Variants in MARK3 observed in about 807,000 individuals in gnomAD.
The protein encoded by MARK3 is microtubule affinity regulating kinase 3, also known as MAP/microtubule affinity-regulating kinase 3.
MARK3 carries 46 observed loss-of-function variants against 90.1 expected under a neutral mutation model. The observed-to-expected ratio is 0.51, with a 90% CI of 0.40 to 0.65. The LOEUF is 0.65. Ranked by LOEUF, MARK3 falls within the 30% of genes least tolerant of loss-of-function variation. The pLI is 0.00. For missense variants in MARK3, 818 were observed against 947.2 expected (o/e 0.86, Z 1.79); for synonymous variants, 321 against 332.6 (o/e 0.97, Z 0.38).
At chr14:103,439,878 G>C (rs2092808527) in intron 3 of MARK3, among the ~76,000 whole-genome samples, 1 of 151,756 alleles carries the variant, frequency 6.6e-6, no homozygotes, top group Non-Finnish European at 1.5e-5. Context: ...TCTGCCTCCT[G>C]GATTCAAGTG....
intron 12 of MARK3, among the ~76,000 whole-genome samples, chr14:103,474,622 C>T (rs1046418366): frequency 6.6e-6 from 1 of 152,022 alleles, no homozygotes; most frequent in Admixed American, 6.6e-5. Flanking sequence ...GGCATCTCTC[C>T]TACAAAAGAG....
intron 2 of MARK3, among the ~76,000 whole-genome samples, chr14:103,420,682 A>T (rs1566811115): frequency 6.6e-6 from 1 of 152,116 alleles, no homozygotes; most frequent in African/African-American, 2.4e-5. Flanking sequence ...GTTAATACTC[A>T]TTTTTTTGTG....
At chr14:103,458,682 T>G (rs2093333271) in intron 6 of MARK3, 1 of 660,462 alleles carries the variant, frequency 1.5e-6, no homozygotes, top group East Asian at 2.7e-5. Context: ...AATTATAGCC[T>G]CATTTTTTCT....
intron 3 of MARK3, among the ~76,000 whole-genome samples, chr14:103,433,088 C>CTTTTT (rs371171878): frequency 5.2e-5 from 6 of 116,018 alleles, no homozygotes; most frequent in South Asian, 2.7e-4. Context: ...CTTTTCTTTT[C>CTTTTT]TTTTCTTTTT....
chr14:103,495,478 CAA>C (rs11462384), intron 15 of MARK3, among the ~76,000 whole-genome samples: 1 of 142,794 alleles, frequency 7.0e-6, no homozygotes. Context: ...CACTCCATCT[CAA>C]AAAAAAAAAA....
At chr14:103,423,656 G>A (rs768381401) in intron 2 of MARK3, among the ~76,000 whole-genome samples, 6 of 152,186 alleles carry the variant, frequency 3.9e-5, no homozygotes, top group Non-Finnish European at 7.3e-5. Context: ...CCAGGCTCCA[G>A]CTCTGGGCCA....
intron 13 of MARK3, among the ~76,000 whole-genome samples, chr14:103,476,302 G>A (rs1334352601): frequency 6.6e-6 from 1 of 152,192 alleles, no homozygotes; most frequent in Admixed American, 6.5e-5. Flanking sequence ...CAAAGATGTG[G>A]TGTTCACACT....
chr14:103,434,748 A>G (rs8018400), intron 3 of MARK3, among the ~76,000 whole-genome samples: 51,901 of 152,096 alleles, frequency 0.34, 9,352 homozygotes, highest in East Asian at 0.49. Flanking sequence ...AAAGAAAACT[A>G]GAAGAATTCA....
At chr14:103,395,077 G>A (rs1168822116) in intron 1 of MARK3, among the ~76,000 whole-genome samples, 1 of 152,168 alleles carries the variant, frequency 6.6e-6, no homozygotes. Context: ...ACAGCGCCTG[G>A]CCACAATCTT....
chr14:103,483,837 T>A (rs1347932368), intron 14 of MARK3, among the ~76,000 whole-genome samples: 1 of 152,248 alleles, frequency 6.6e-6, no homozygotes, highest in Non-Finnish European at 1.5e-5. Flanking sequence ...ACACCTTCAA[T>A]TGTATGATTC....
chr14:103,452,530 G>T (rs1202652849), intron 5 of MARK3, among the ~76,000 whole-genome samples: 1 of 134,556 alleles, frequency 7.4e-6, no homozygotes, highest in East Asian at 2.2e-4. Context: ...GGAGTGCAGT[G>T]GCGCGATCTC....
At chr14:103,393,497 A>C (rs1291320082) in intron 1 of MARK3, among the ~76,000 whole-genome samples, 1 of 152,208 alleles carries the variant, frequency 6.6e-6, no homozygotes, top group African/African-American at 2.4e-5. Context: ...ATTCATGAAA[A>C]TATTTAGTCA....
intron 2 of MARK3, among the ~76,000 whole-genome samples, chr14:103,410,187 C>A (rs866367668): frequency 1.3e-5 from 2 of 152,048 alleles, no homozygotes; most frequent in Non-Finnish European, 1.5e-5. Flanking sequence ...TTATTTCTTA[C>A]AATTGTGGAG....
rs146045592 is a variant in MARK3 at position 103,484,560 on chromosome 14, C to G, written c.1586+4070C>G. The stretch of plus-strand genomic sequence containing the variant: ...GGCTTATTATTTTATCCACTTTACC[C>G]TGCATCAAGTCACATAGAGATTGAG... On this transcript the variant is annotated intron_variant, in intron 14 of 17. Transcript: ENST00000429436. Among the ~76,000 whole-genome samples, 17 of 152,312 alleles carry G rather than the reference C, an allele frequency of 1.1e-4. No homozygotes were observed. The East Asian group carries it at 3.1e-3, about 28-fold the overall frequency.
At chr14:103,457,080 T>G (rs2093293318) in intron 5 of MARK3, 62 bp from the exon 6 acceptor site, 2 of 1,013,498 alleles carry the variant, frequency 2.0e-6, no homozygotes, top group Non-Finnish European at 3.0e-6. Flanking sequence ...AAACATCAAT[T>G]TATGGGAAAA....
Position 103,433,076 on chromosome 14 carries a change from T to C in MARK3, c.297+4636T>C, listed in dbSNP as rs1354568286. 6.1e-5 allele frequency among the ~76,000 whole-genome samples: 3 copies of C among 49,358 alleles called. No homozygotes were observed. In the South Asian group the frequency reaches 7.6e-3, roughly 125 times the overall value. The allele number at this position is 49,358 out of a possible 152,430, so 32.4% of individuals were successfully genotyped here. ...ATTGTGCCAATTGAAGTTTTTTCTT[T>C]TCTTTTCTTTTCTTTTCTTTTTTTT... On this transcript the variant is annotated intron_variant, in intron 3 of 17. Coordinates refer to ENST00000429436, the MANE Select transcript of MARK3 (RefSeq NM_001128918.3).
At chr14:103,412,644 T>TGATCTGCAA (rs140885130) in intron 2 of MARK3, 167,949 of 1,031,140 alleles carry the variant, frequency 0.16, 30,350 homozygotes, top group South Asian at 0.42. Flanking sequence ...GGGTCATAGT[T>TGATCTGCAA]CTTCAAGCTG....
intron 2 of MARK3, among the ~76,000 whole-genome samples, chr14:103,408,102 AG>A (rs2140755140): frequency 6.6e-6 from 1 of 152,306 alleles, no homozygotes; most frequent in East Asian, 1.9e-4. Flanking sequence ...CTGTAGGGGA[AG>A]ATGACAGAAC....
At chr14:103,432,943 A>G (rs1566833327) in intron 3 of MARK3, among the ~76,000 whole-genome samples, 1 of 152,180 alleles carries the variant, frequency 6.6e-6, no homozygotes, top group Non-Finnish European at 1.5e-5. Flanking sequence ...AAACAGAACA[A>G]TAGACCACAA....
Sources: allele counts gnomAD v4.1 joint callset (sites outside exome capture counted in the v4.1 genomes callset), GRCh38; gene constraint gnomAD v4.1.1; transcripts MANE v1.5; gene names NCBI Gene and HGNC (gene_info 2026-07-23, HGNC 2026-07-21).